The following RYR1 variants were observed in gnomAD, a reference collection of about 807,000 sequenced individuals.
The protein encoded by RYR1 is central core disease of muscle.
RYR1 carries 342 observed loss-of-function variants against 583.5 expected under a neutral mutation model. That is an observed-to-expected ratio of 0.59 (90% CI 0.54 to 0.64). The LOEUF is 0.64. Among genes scored for constraint, RYR1 ranks in the 30% least tolerant of loss-of-function variants. The pLI is 0.00. For synonymous variants in RYR1, 2,791 were observed against 2,822.5 expected (o/e 0.99, Z 0.35); for missense variants, 6,032 against 6,917.2 (o/e 0.87, Z 4.54).
chr19:38,580,264 G>A, intron 100 of RYR1, 106 bp from the exon 101 acceptor site: 1 of 1,586,676 alleles, frequency 6.3e-7, no homozygotes, highest in South Asian at 1.1e-5. Flanking sequence ...GTGTGGGGCA[G>A]CAAGGTAGAG....
intron 20 of RYR1, among the ~76,000 whole-genome samples, chr19:38,462,891 CTTTTTTTTTT>C (rs553168266): frequency 3.8e-5 from 3 of 78,754 alleles, no homozygotes; most frequent in Admixed American, 1.8e-4. Flanking sequence ...ACTCTCTCTT[CTTTTTTTTTT>C]TTTTTTTTTT....
chr19:38,565,202 G>A lies in RYR1; in HGVS notation c.12868G>A (p.Ala4290Thr). The A allele has an allele frequency of 9.9e-7, 1 of 1,005,964 alleles. No homozygotes were observed. The highest frequency in any genetic ancestry group is 1.2e-6 in the Non-Finnish European group (1 of 845,228). The allele number at this position is 1,005,964 out of a possible 1,614,324, so 62.3% of individuals were successfully genotyped here. A position where few individuals can be genotyped will look rare whatever the true frequency, so the allele number is the denominator to read the frequency against. Residue 4290 changes from alanine (A) to threonine (T), a missense_variant, in exon 91 of 106, where the codon GCG becomes ACG. Physicochemically the swap from Ala to Thr is moderately conservative, Grantham distance 58. Coordinates refer to ENST00000359596, the MANE Select transcript of RYR1 (RefSeq NM_000540.3). The surrounding 1 kb of genome is among the most constrained non-coding windows in gnomAD (Gnocchi z 4.7). ...AGLEGTAATA[A>T]AGATARVVAA... ...GCTCGAGGGCACGGCGGCCACGGCG[G>A]CGGCGGGGGCGACGGCGCGGGTTGT... is the stretch of plus-strand genomic sequence containing the variant.
At chr19:38,511,672 T>C in intron 61 of RYR1, 62 bp downstream of exon 61, 3 of 1,560,988 alleles carry the variant, frequency 1.9e-6, no homozygotes, top group Non-Finnish European at 2.6e-6. Flanking sequence ...CCTGAAGAAA[T>C]AGCTCCCAGG....
Position 38,501,007 on chromosome 19 carries a change from A to G in RYR1, c.7614+17A>G, listed in dbSNP as rs1416552609. On this transcript the variant is annotated intron_variant, in intron 47 of 105. Coordinates refer to ENST00000359596, the MANE Select transcript of RYR1 (RefSeq NM_000540.3). ...CTGGACACGGTGAGCAACCCTGCCCAGCCTGGCCACCCTCCCCACTTCCAC... is the reference window on the plus strand; with the variant it reads ...CTGGACACGGTGAGCAACCCTGCCCGGCCTGGCCACCCTCCCCACTTCCAC... 1 of 1,611,094 alleles carries G rather than the reference A, an allele frequency of 6.2e-7. No homozygotes were observed. The highest frequency in any genetic ancestry group is 8.5e-7 in the Non-Finnish European group (1 of 1,179,168).
intron 19 of RYR1, 88 bp from the exon 20 acceptor site, chr19:38,460,280 CCATTGAT>C: frequency 8.6e-7 from 1 of 1,168,416 alleles, no homozygotes; most frequent in East Asian, 2.3e-5. Flanking sequence ...CCAGAACTTT[CCATTGAT>C]CCCAGGACTG....
intron 3 of RYR1, among the ~76,000 whole-genome samples, chr19:38,442,729 C>T (rs570515235): frequency 1.3e-5 from 2 of 152,270 alleles, no homozygotes; most frequent in South Asian, 2.1e-4. Context: ...GGTCCTCCCC[C>T]ACCCCAGTTG....
At position 38,486,140 on chromosome 19, in the gene RYR1, C is replaced by T; in HGVS notation, c.5485C>T (p.Pro1829Ser). The T allele has an allele frequency of 6.2e-7, 1 of 1,613,142 alleles. No individual in the cohort carries two copies. The highest frequency in any genetic ancestry group is 8.5e-7 in the Non-Finnish European group (1 of 1,179,898). ...CGACGGTGGGCAGCACGCTCGCGAC[C>T]CCGTCGGGGGCTCCGTGGAGTTCCA... ...VRDGGQHARD[P>S]VGGSVEFQFV... The change falls in exon 34 of 106, where the codon CCC becomes TCC. Residue 1829 changes from proline to serine, a missense_variant. Coordinates refer to ENST00000359596, the MANE Select transcript of RYR1 (RefSeq NM_000540.3).
chr19:38,468,491 A>C (rs1351625465), intron 25 of RYR1, among the ~76,000 whole-genome samples: 1 of 152,118 alleles, frequency 6.6e-6, no homozygotes, highest in African/African-American at 2.4e-5. Context: ...CTCTGTATCA[A>C]CCCAGGTAAA....
Position 38,566,997 on chromosome 19 carries a change from C to T in RYR1, c.13514+10C>T. On this transcript the variant is annotated intron_variant, in intron 92 of 105. Transcript: ENST00000359596. ...AGCCGGAGAAAGCCGAGTGAGTGGC[C>T]TTGGGGCTGAGGGGCCTAGCCCCTA... is the stretch of plus-strand genomic sequence containing the variant. The T allele has an allele frequency of 1.3e-6, 2 of 1,582,404 alleles. No individual in the cohort carries two copies. The highest frequency in any genetic ancestry group is 1.3e-5 in the African/African-American group (1 of 74,468).
chr19:38,511,624 C>T lies in RYR1; in HGVS notation c.9172+14C>T, dbSNP rs1318963016. 1.2e-6 allele frequency: 2 copies of T among 1,613,792 alleles called. No homozygotes were observed. The highest frequency in any genetic ancestry group is 1.7e-5 in the Admixed American group (1 of 60,006). On this transcript the variant is annotated intron_variant, in intron 61 of 105. Coordinates refer to ENST00000359596, the MANE Select transcript of RYR1 (RefSeq NM_000540.3). ...TCTCTCTCTTTGGTAAGTGGCTCCA[C>T]ACCTTCGGTCTTCCTCCCTAATCTT... is the stretch of plus-strand genomic sequence containing the variant.
At position 38,548,360 on chromosome 19, in the gene RYR1, A is replaced by T. The variant is rs751531998; in HGVS notation, c.12222A>T (p.Glu4074Asp). 1 of 1,614,170 alleles carries T rather than the reference A, an allele frequency of 6.2e-7. No homozygotes were observed. The highest frequency in any genetic ancestry group is 8.5e-7 in the Non-Finnish European group (1 of 1,180,028). The change falls in exon 89 of 106, where the codon GAA (glutamate) becomes GAT (aspartate). Residue 4074 changes from glutamate (E) to aspartate (D), a missense_variant. This residue lies in a region of RYR1 where 753 missense variants were observed against 759.6 expected (regional missense o/e 0.99). Coordinates refer to ENST00000359596, the MANE Select transcript of RYR1 (RefSeq NM_000540.3). The part of the protein sequence containing the change: ...FLKLKDIVGS[E>D]AFQDYVTDPR... ...AACTCAAGGACATTGTGGGCTCTGA[A>T]GCCTTCCAGGACTACGTAACGGATC...
At chr19:38,540,407 C>A (rs910807994) in intron 84 of RYR1, among the ~76,000 whole-genome samples, 4 of 132,508 alleles carry the variant, frequency 3.0e-5, no homozygotes, top group African/African-American at 8.6e-5. Context: ...GTATAATAAA[C>A]CTCCAATCAT....
chr19:38,586,692 T>C (rs1319275532), intron 105 of RYR1, 116 bp downstream of exon 105: 20 of 1,051,950 alleles, frequency 1.9e-5, no homozygotes, highest in Non-Finnish European at 2.8e-5. Flanking sequence ...GGCTGGGGGC[T>C]GGGCACGGCG....
At chr19:38,436,011 C>T (rs1200623225) in intron 1 of RYR1, among the ~76,000 whole-genome samples, 4 of 151,340 alleles carry the variant, frequency 2.6e-5, no homozygotes, top group African/African-American at 4.9e-5. Flanking sequence ...TGGGTTCAAG[C>T]GATTCTTCTG....
intron 29 of RYR1, among the ~76,000 whole-genome samples, chr19:38,476,564 C>G (rs1968741216): frequency 6.6e-6 from 1 of 152,094 alleles, no homozygotes; most frequent in African/African-American, 2.4e-5. Context: ...AATCCCCGAC[C>G]TCAAATGATC....
intron 66 of RYR1, among the ~76,000 whole-genome samples, chr19:38,518,726 C>T (rs556682598): frequency 1.8e-4 from 27 of 152,038 alleles, no homozygotes; most frequent in African/African-American, 5.3e-4. Context: ...GTCAGGAGTT[C>T]GAGACCAGCC....
At chr19:38,453,428 G>A (rs1054223756) in intron 13 of RYR1, among the ~76,000 whole-genome samples, 2 of 151,874 alleles carry the variant, frequency 1.3e-5, no homozygotes, top group Non-Finnish European at 2.9e-5. Flanking sequence ...CTGCTGGCGC[G>A]GGGTCTGTGG....
chr19:38,524,716 T>C (rs534607166), intron 70 of RYR1, among the ~76,000 whole-genome samples: 60 of 152,356 alleles, frequency 3.9e-4, no homozygotes, highest in Middle Eastern at 3.4e-3. Flanking sequence ...CCTGTCTCCT[T>C]GTCTTTTTCA....
At chr19:38,494,141 C>T (rs961141240) in intron 38 of RYR1, among the ~76,000 whole-genome samples, 2 of 152,112 alleles carry the variant, frequency 1.3e-5, no homozygotes, top group African/African-American at 4.8e-5. Context: ...AGCACCCTAG[C>T]CTGGGCAACA....
Sources: allele counts gnomAD v4.1 joint callset (sites outside exome capture counted in the v4.1 genomes callset), GRCh38; gene constraint gnomAD v4.1.1; regional missense constraint gnomAD v4.1.1; non-coding constraint Gnocchi (gnomAD v3.1); transcripts MANE v1.5; gene names NCBI Gene and HGNC (gene_info 2026-07-23, HGNC 2026-07-21).